CNTNAP3B: variants seen among roughly 807,000 people sequenced by gnomAD.
The protein encoded by CNTNAP3B is contactin associated protein family member 3B.
Under a neutral mutation model 108.9 loss-of-function variants are expected in CNTNAP3B, and 25 were observed. The ratio of observed to expected loss-of-function variants is 0.23; its 90% CI spans 0.17 to 0.32. The LOEUF (loss-of-function observed/expected upper bound fraction) is 0.32. CNTNAP3B is among the 10% of genes least tolerant of loss of function. The pLI, the probability that CNTNAP3B is intolerant of heterozygous loss-of-function variation, is 1.00. For missense variants in CNTNAP3B, 252 were observed against 1,210.4 expected, an observed-to-expected ratio of 0.21 and a Z score of 11.75; for synonymous variants, 103 against 473.4, an observed-to-expected ratio of 0.22 and a Z score of 10.16.
At chr9:41,954,893 C>T (rs1353637654) in intron 12 of CNTNAP3B, among the ~76,000 whole-genome samples, 1 of 152,128 alleles carries the variant, frequency 6.6e-6, no homozygotes, top group Non-Finnish European at 1.5e-5. Context: ...ACCATGTTGG[C>T]CAGGCTGGTC....
chr9:42,030,811 GAGGA>G (rs1394878785), intron 3 of CNTNAP3B, among the ~76,000 whole-genome samples: 1,451 of 73,802 alleles, frequency 0.02, 113 homozygotes, highest in South Asian at 0.034. Context: ...GAGAGAGAGA[GAGGA>G]GAGAGAGAGA....
At chr9:41,930,462 G>A (rs1163169851) in intron 14 of CNTNAP3B, among the ~76,000 whole-genome samples, 3 of 152,286 alleles carry the variant, frequency 2.0e-5, no homozygotes, top group Admixed American at 6.5e-5. Flanking sequence ...AGGATCCCTT[G>A]AGCCTGGGAG....
At chr9:41,977,287 TTTAG>T (rs1395134785) in intron 9 of CNTNAP3B, among the ~76,000 whole-genome samples, 9 of 151,798 alleles carry the variant, frequency 5.9e-5, no homozygotes, top group Admixed American at 1.3e-4. Context: ...ATCAACTTTA[TTTAG>T]TATCACTTAA....
rs1823702561 is a variant in CNTNAP3B at position 41,922,705 on chromosome 9, A to G, written c.2727T>C (p.Arg909=). The part of the protein sequence containing the change: ...MQPAPADGHV[R]LQLNSQLFIG... Reference sequence around the variant, plus strand: ...TGAAGAGCTGGCTGTTGAGCTGTAAACGAACGTGCCCATCAGCAGGGGCAG... The same window carrying G: ...TGAAGAGCTGGCTGTTGAGCTGTAAGCGAACGTGCCCATCAGCAGGGGCAG... Residue 909 remains arginine (R), a synonymous_variant, in exon 17 of 24, where the codon CGT becomes CGC. Coordinates refer to ENST00000377561, the MANE Select transcript of CNTNAP3B (RefSeq NM_001201380.3). 6.2e-7 allele frequency: 1 copy of G among 1,603,046 alleles called. No homozygotes were observed. Among genetic ancestry groups the G allele is most frequent in the African/African-American group, 1.3e-5 (1 of 74,106 alleles).
intron 1 of CNTNAP3B, among the ~76,000 whole-genome samples, chr9:42,120,591 G>A (rs1828439271): frequency 7.2e-6 from 1 of 138,236 alleles, no homozygotes; most frequent in Non-Finnish European, 1.5e-5. Context: ...ATCAATGATA[G>A]ACTGGATTAA....
rs1203041294 is a variant in CNTNAP3B at position 42,095,441 on chromosome 9, C to A, written c.196+9188G>T. The stretch of plus-strand genomic sequence containing the variant: ...AAATGTAAAACTCTTTTGGTGCAAG[C>A]ATTCTGCATCATGTTTCAGACTTTC... On this transcript the variant is annotated intron_variant, in intron 2 of 23. Transcript: ENST00000377561. Among the ~76,000 whole-genome samples the A allele has an allele frequency of 2.2e-5, 3 of 139,270 alleles. 1 individual carries two copies. Among genetic ancestry groups the A allele is most frequent in the Non-Finnish European group, 3.1e-5 (2 of 65,106 alleles). The allele number at this position is 139,270 out of a possible 152,430, so 91.4% of individuals were successfully genotyped here. A position where few individuals can be genotyped will look rare whatever the true frequency, so the allele number is the denominator to read the frequency against.
intron 2 of CNTNAP3B, among the ~76,000 whole-genome samples, chr9:42,103,336 C>A (rs1186922387): frequency 6.8e-6 from 1 of 147,534 alleles, no homozygotes; most frequent in Non-Finnish European, 1.5e-5. Context: ...ATAACAAATG[C>A]CAGAACATAT....
intron 13 of CNTNAP3B, among the ~76,000 whole-genome samples, chr9:41,942,067 C>T (rs1365763718): frequency 1.4e-4 from 22 of 152,398 alleles, no homozygotes; most frequent in East Asian, 3.9e-4. Context: ...CCAGAACCAG[C>T]CCCCTCTACC....
intron 13 of CNTNAP3B, among the ~76,000 whole-genome samples, chr9:41,950,113 T>A (rs1227713965): frequency 3.8e-5 from 4 of 104,930 alleles, no homozygotes; most frequent in African/African-American, 1.4e-4. Context: ...GAAAACGATA[T>A]ACAGATGGCA....
chr9:42,080,816 T>G (rs1827597254), intron 2 of CNTNAP3B, among the ~76,000 whole-genome samples: 1 of 89,320 alleles, frequency 1.1e-5, no homozygotes, highest in Non-Finnish European at 2.2e-5. Context: ...TATACTCAAT[T>G]TTTGTTGTCT....
At chr9:42,096,274 G>C (rs1188548281) in intron 2 of CNTNAP3B, among the ~76,000 whole-genome samples, 1 of 139,358 alleles carries the variant, frequency 7.2e-6, no homozygotes, top group Non-Finnish European at 1.5e-5. Context: ...GGCTCTGCTT[G>C]AGAGCAGAGC....
chr9:41,995,760 G>A (rs1416069295), intron 7 of CNTNAP3B, among the ~76,000 whole-genome samples: 1 of 133,450 alleles, frequency 7.5e-6, no homozygotes, highest in Non-Finnish European at 1.6e-5. Flanking sequence ...AATTGGCCAG[G>A]CCCGGTGGCT....
At chr9:41,953,473 G>C (rs1274355508) in intron 12 of CNTNAP3B, 87 bp from the exon 13 acceptor site, 2 of 1,485,316 alleles carry the variant, frequency 1.3e-6, no homozygotes, top group Non-Finnish European at 1.8e-6. Context: ...GTGAATTAAC[G>C]TTTAATTGAA....
intron 13 of CNTNAP3B, among the ~76,000 whole-genome samples, chr9:41,939,709 C>T (rs1824275024): frequency 1.3e-5 from 2 of 152,264 alleles, no homozygotes. Flanking sequence ...CTCATTATAT[C>T]CTAATGTACA....
intron 14 of CNTNAP3B, among the ~76,000 whole-genome samples, chr9:41,934,144 C>CATATATATATAT (rs1824077007): frequency 1.4e-5 from 1 of 72,308 alleles, no homozygotes; most frequent in Non-Finnish European, 2.9e-5. Flanking sequence ...TATATATACA[C>CATATATATATAT]ACACATATAT....
chr9:41,990,099 C>T (rs1403484305), intron 8 of CNTNAP3B, among the ~76,000 whole-genome samples: 7 of 125,248 alleles, frequency 5.6e-5, no homozygotes, highest in South Asian at 5.5e-4. Context: ...ATCACATTAG[C>T]AATTGCCTGA....
chr9:41,917,602 C>T (rs1213835265), intron 18 of CNTNAP3B, among the ~76,000 whole-genome samples: 1 of 143,282 alleles, frequency 7.0e-6, no homozygotes, highest in Non-Finnish European at 1.5e-5. Flanking sequence ...CCTTGCCTCT[C>T]CTGGTGGAGA....
intron 15 of CNTNAP3B, among the ~76,000 whole-genome samples, chr9:41,926,334 A>T: frequency 6.6e-6 from 1 of 152,292 alleles, no homozygotes; most frequent in Non-Finnish European, 1.5e-5. Context: ...AAAGAAGGGA[A>T]AAGAATCAAT....
At chr9:41,957,955 G>A (rs1346036180) in intron 12 of CNTNAP3B, among the ~76,000 whole-genome samples, 2 of 152,196 alleles carry the variant, frequency 1.3e-5, no homozygotes, top group Non-Finnish European at 2.9e-5. Flanking sequence ...GTAGAGACAG[G>A]GTTTCACAGT....
Sources: allele counts gnomAD v4.1 joint callset (sites outside exome capture counted in the v4.1 genomes callset), GRCh38; gene constraint gnomAD v4.1.1; transcripts MANE v1.5; gene names NCBI Gene and HGNC (gene_info 2026-07-23, HGNC 2026-07-21).